Variants in IL1RN observed in about 807,000 individuals in gnomAD.
The protein encoded by IL1RN is interleukin-1 receptor antagonist protein.
In IL1RN, 10 loss-of-function variants were observed where a neutral mutation model predicts 13.7. That is an observed-to-expected ratio of 0.73 (90% CI 0.45 to 1.24). The LOEUF (loss-of-function observed/expected upper bound fraction) is 1.24, where lower values mean the gene tolerates loss of function less well. Among genes scored for constraint, IL1RN ranks in the 50% most tolerant of loss-of-function variants. IL1RN has a pLI of 0.00. For synonymous variants in IL1RN, 102 were observed against 82.7 expected (o/e 1.23, Z -1.27); for missense variants, 213 against 222.1 (o/e 0.96, Z 0.26).
chr2:113,127,191 A>G (rs1260364304), upstream of IL1RN, among the ~76,000 whole-genome samples: 1 of 152,224 alleles, frequency 6.6e-6, no homozygotes, highest in African/African-American at 2.4e-5. Flanking sequence ...CAAAGAACAC[A>G]AAGTGACATG....
intron 2 of IL1RN, chr2:113,121,362 CA>C: frequency 1.4e-6 from 1 of 697,812 alleles, no homozygotes; most frequent in Non-Finnish European, 1.8e-6. Context: ...GAAAGTGTAA[CA>C]CAGAGCCTAA....
Position 113,129,672 on chromosome 2 carries a change from G to T in IL1RN, c.205+8G>T. Reference sequence around the variant, plus strand: ...CAAATGTCAATTTAGAAGGTGAGTGGTTGCCAGGAAAGCCAATGTATGTGG... The same window carrying T: ...CAAATGTCAATTTAGAAGGTGAGTGTTTGCCAGGAAAGCCAATGTATGTGG... On this transcript the variant is annotated splice_region_variant and intron_variant, in intron 2 of 3. Transcript: ENST00000409930. 6.3e-7 allele frequency: 1 copy of T among 1,598,148 alleles called. No homozygotes were observed. Among genetic ancestry groups the T allele is most frequent in the East Asian group, 2.2e-5 (1 of 44,832 alleles).
At chr2:113,108,019 A>G (rs1278414208), upstream of IL1RN, among the ~76,000 whole-genome samples, 1 of 152,206 alleles carries the variant, frequency 6.6e-6, no homozygotes, top group Non-Finnish European at 1.5e-5. Flanking sequence ...TGGCTTTAAA[A>G]AACACGAAAT....
upstream of IL1RN, among the ~76,000 whole-genome samples, chr2:113,103,612 C>T (rs1289635464): frequency 6.6e-6 from 1 of 152,228 alleles, no homozygotes; most frequent in African/African-American, 2.4e-5. Context: ...TCACCTCTGT[C>T]AGACTTCTGC....
intron 2 of IL1RN, chr2:113,120,164 TTTAGGCTAC>T (rs1442359999): frequency 2.8e-6 from 4 of 1,422,632 alleles, no homozygotes; most frequent in Non-Finnish European, 4.0e-6. Context: ...TGAAAACAAT[TTTAGGCTAC>T]TAGATATGAA....
At chr2:113,104,954 C>A (rs1012594157), upstream of IL1RN, among the ~76,000 whole-genome samples, 2 of 152,174 alleles carry the variant, frequency 1.3e-5, no homozygotes, top group Non-Finnish European at 2.9e-5. Flanking sequence ...AACTCCCAGT[C>A]CCAGTGGGAA....
upstream of IL1RN, among the ~76,000 whole-genome samples, chr2:113,108,884 A>G (rs1686427104): frequency 6.6e-6 from 1 of 152,248 alleles, no homozygotes; most frequent in South Asian, 2.1e-4. Flanking sequence ...ATCAAGGTTA[A>G]AAATACTCAT....
chr2:113,122,266 A>T (rs1029888741), intron 2 of IL1RN, among the ~76,000 whole-genome samples: 2 of 152,274 alleles, frequency 1.3e-5, no homozygotes, highest in Admixed American at 1.3e-4. Flanking sequence ...GACAAACTAG[A>T]TTTATCAGTA....
chr2:113,109,155 G>A (rs1471576264), upstream of IL1RN, among the ~76,000 whole-genome samples: 6 of 152,098 alleles, frequency 3.9e-5, no homozygotes, highest in East Asian at 3.8e-4. Flanking sequence ...AGTCATGCCC[G>A]TAATCCCAGC....
intron 1 of IL1RN, 127 bp downstream of exon 1, chr2:113,127,867 A>G (rs1298360175): frequency 2.3e-6 from 2 of 864,984 alleles, no homozygotes; most frequent in African/African-American, 1.7e-5. Flanking sequence ...GAGGATGTCC[A>G]TTATTCAAGA....
At chr2:113,099,728 CTTTTTT>C in the IL1RN span, among the ~76,000 whole-genome samples, 1 of 41,472 alleles carries the variant, frequency 2.4e-5, no homozygotes, top group Non-Finnish European at 3.9e-5. Context: ...TCTTTCTTTT[CTTTTTT>C]TTTTTTTTTT....
upstream of IL1RN, chr2:113,107,278 G>T (rs1686400949): frequency 6.6e-6 from 1 of 152,220 alleles, no homozygotes. Context: ...ACATTGTAAT[G>T]AATCTGTAAA....
At chr2:113,123,882 C>T (rs1004643303), upstream of IL1RN, among the ~76,000 whole-genome samples, 10 of 152,214 alleles carry the variant, frequency 6.6e-5, no homozygotes, top group African/African-American at 2.4e-4. Context: ...AATCCTAGAA[C>T]TGAAAGATGC....
chr2:113,124,737 C>A (rs1010879555), upstream of IL1RN, among the ~76,000 whole-genome samples: 1 of 152,042 alleles, frequency 6.6e-6, no homozygotes, highest in Non-Finnish European at 1.5e-5. Flanking sequence ...AAACTGAGAC[C>A]AAGACAGGCT....
chr2:113,117,114 C>T (rs368017194), upstream of IL1RN, among the ~76,000 whole-genome samples: 24 of 152,290 alleles, frequency 1.6e-4, no homozygotes, highest in Middle Eastern at 0.014. Context: ...AGCAGGTTCG[C>T]TCCCAACGGC....
chr2:113,130,959 AG>A (rs1256497052), intron 2 of IL1RN, 85 bp from the exon 3 acceptor site: 4 of 858,642 alleles, frequency 4.7e-6, no homozygotes, highest in Non-Finnish European at 8.0e-6. Context: ...TGTGGGGACC[AG>A]GGGAGATAGA....
chr2:113,107,967 T>C (rs181193149), upstream of IL1RN, among the ~76,000 whole-genome samples: 3 of 152,334 alleles, frequency 2.0e-5, no homozygotes, highest in East Asian at 5.8e-4. Context: ...TCTGGTATAT[T>C]AGTTTCTTAT....
chr2:113,103,387 G>C, upstream of IL1RN, among the ~76,000 whole-genome samples: 1 of 152,382 alleles, frequency 6.6e-6, no homozygotes, highest in East Asian at 1.9e-4. Flanking sequence ...GGAGTATCCA[G>C]TTGTGTCCAA....
intron 2 of IL1RN, among the ~76,000 whole-genome samples, chr2:113,120,340 CTATGTATGTATGTATG>C (rs4251988): frequency 1.3e-5 from 2 of 151,606 alleles, no homozygotes; most frequent in Admixed American, 1.3e-4. Flanking sequence ...TGTGATTGCT[CTATGTATGTATGTATG>C]TATGTATGTA....
Sources: gnomAD v4.1 joint callset for allele counts (sites outside exome capture counted in the v4.1 genomes callset) on GRCh38, gnomAD v4.1.1 for gene constraint, MANE v1.5 for transcripts, NCBI Gene and HGNC (gene_info 2026-07-23, HGNC 2026-07-21) for gene names.